Variants in ANKRD44 observed in about 807,000 individuals in gnomAD.
ANKRD44 encodes the protein ankyrin repeat domain 44, also known as serine/threonine-protein phosphatase 6 regulatory ankyrin repeat subunit B.
Under a neutral mutation model 116.0 loss-of-function variants are expected in ANKRD44, and 35 were observed. That is an observed-to-expected ratio of 0.30 (90% CI 0.23 to 0.40). ANKRD44 has a LOEUF of 0.40. ANKRD44 is among the 10% of genes least tolerant of loss of function. The pLI is 1.00. For synonymous variants in ANKRD44, 435 were observed against 461.8 expected (o/e 0.94, Z 0.74); for missense variants, 1,014 against 1,242.6 (o/e 0.82, Z 2.77).
intron 16 of ANKRD44, among the ~76,000 whole-genome samples, chr2:197,043,939 AAAGT>A (rs1172267511): frequency 6.6e-6 from 1 of 152,250 alleles, no homozygotes; most frequent in African/African-American, 2.4e-5. Flanking sequence ...GCCAAAAATT[AAAGT>A]AATTATACTA....
At chr2:197,007,324 C>G (rs1027444216) in intron 20 of ANKRD44, among the ~76,000 whole-genome samples, 1 of 151,908 alleles carries the variant, frequency 6.6e-6, no homozygotes, top group East Asian at 1.9e-4. Flanking sequence ...GAGAAAAAAG[C>G]AGAATCCAAA....
At chr2:196,970,499 C>G (rs909928416) in intron 21 of ANKRD44, among the ~76,000 whole-genome samples, 11 of 152,022 alleles carry the variant, frequency 7.2e-5, no homozygotes, top group Non-Finnish European at 1.6e-4. Context: ...TGGAGCATCT[C>G]CAAGTTTTCT....
intron 1 of ANKRD44, among the ~76,000 whole-genome samples, chr2:197,310,160 G>A (rs1382950450): frequency 6.6e-6 from 1 of 152,160 alleles, no homozygotes; most frequent in Non-Finnish European, 1.5e-5. Context: ...GTTTGGGGAG[G>A]GGTCCCAGTC....
At position 197,292,483 on chromosome 2, in the gene ANKRD44, G is replaced by A. The variant is rs2083600880; in HGVS notation, c.27+18095C>T. 2.0e-5 allele frequency among the ~76,000 whole-genome samples: 3 copies of A among 152,128 alleles called. No homozygotes were observed. In the South Asian group the frequency reaches 6.2e-4, roughly 32 times the overall value. On this transcript the variant is annotated intron_variant, in intron 1 of 27. Transcript: ENST00000282272. ...GGTGGGACACTCAAATCACAATAGT[G>A]TTTAAATTCCATTCAACACATTTTA...
At chr2:197,242,264 T>C (rs887481424) in intron 1 of ANKRD44, among the ~76,000 whole-genome samples, 1 of 152,212 alleles carries the variant, frequency 6.6e-6, no homozygotes, top group Non-Finnish European at 1.5e-5. Flanking sequence ...AACAGATCTA[T>C]GTAGCAAATA....
intron 1 of ANKRD44, among the ~76,000 whole-genome samples, chr2:197,226,437 G>T (rs569550396): frequency 1.3e-5 from 2 of 152,136 alleles, no homozygotes; most frequent in African/African-American, 2.4e-5. Flanking sequence ...AGACTGAGGC[G>T]GGTGGATCAT....
chr2:197,236,942 A>C (rs2081991584), intron 1 of ANKRD44, among the ~76,000 whole-genome samples: 1 of 152,210 alleles, frequency 6.6e-6, no homozygotes, highest in Admixed American at 6.5e-5. Context: ...AATGGGGAGA[A>C]GCAAGACACT....
chr2:197,246,739 C>T (rs1355989636), intron 1 of ANKRD44, among the ~76,000 whole-genome samples: 2 of 152,104 alleles, frequency 1.3e-5, no homozygotes, highest in Admixed American at 6.5e-5. Context: ...CTCGGAGTGA[C>T]GTTCATGCAT....
At position 197,008,919 on chromosome 2, in the gene ANKRD44, C is replaced by T. The variant is rs780080510; in HGVS notation, c.2012+25G>A. ...AGCTGCTGTGATTGAAATGTCAACC[C>T]AAGGCCACGTGTGAGCGCACTTACT... On this transcript the variant is annotated intron_variant, in intron 19 of 27. Coordinates refer to ENST00000282272, the MANE Select transcript of ANKRD44 (RefSeq NM_001195144.2). The T allele has an allele frequency of 1.7e-5, 27 of 1,610,898 alleles. No homozygotes were observed. In the South Asian group the frequency reaches 2.7e-4, roughly 16 times the overall value.
intron 2 of ANKRD44, among the ~76,000 whole-genome samples, chr2:197,186,612 C>CTTTTTTTTTTTTTTTTTTTTTTTT (rs149107038): frequency 3.9e-5 from 2 of 50,782 alleles, no homozygotes; most frequent in Admixed American, 3.7e-4. Flanking sequence ...GCTAATTTTT[C>CTTTTTTTTTTTTTTTTTTTTTTTT]TTTTTTTTTT....
chr2:196,989,949 T>C (rs2075889542), intron 27 of ANKRD44: 2 of 1,064,066 alleles, frequency 1.9e-6, no homozygotes, highest in East Asian at 7.4e-5. Context: ...TTTGGTGCAA[T>C]ATAATTTTCA....
At chr2:197,071,126 C>T (rs887841051) in intron 16 of ANKRD44, among the ~76,000 whole-genome samples, 1 of 152,096 alleles carries the variant, frequency 6.6e-6, no homozygotes, top group African/African-American at 2.4e-5. Flanking sequence ...CTTAGCTACA[C>T]GTTTGTCAAT....
At chr2:197,172,777 G>A (rs542690132) in intron 2 of ANKRD44, among the ~76,000 whole-genome samples, 1 of 152,060 alleles carries the variant, frequency 6.6e-6, no homozygotes, top group South Asian at 2.1e-4. Flanking sequence ...TGTTGCTTAG[G>A]CTGGTTTCAC....
chr2:197,248,819 G>T (rs2082254359), intron 1 of ANKRD44, among the ~76,000 whole-genome samples: 1 of 152,120 alleles, frequency 6.6e-6, no homozygotes, highest in South Asian at 2.1e-4. Flanking sequence ...AGATACTGAA[G>T]TATGTGTAGT....
At chr2:197,163,587 G>A (rs951355107) in intron 2 of ANKRD44, among the ~76,000 whole-genome samples, 1 of 152,240 alleles carries the variant, frequency 6.6e-6, no homozygotes, top group Non-Finnish European at 1.5e-5. Context: ...TGTTGGAACA[G>A]TCATGGAAAG....
chr2:197,262,255 C>T (rs12468436), intron 1 of ANKRD44, among the ~76,000 whole-genome samples: 6,103 of 152,230 alleles, frequency 0.04, 207 homozygotes, highest in Admixed American at 0.11. Context: ...CAAGAGACAG[C>T]TTTTTATTTT....
intron 2 of ANKRD44, among the ~76,000 whole-genome samples, chr2:197,155,680 A>G (rs2125469982): frequency 1.3e-5 from 2 of 152,368 alleles, no homozygotes; most frequent in Middle Eastern, 6.8e-3. Flanking sequence ...AAAATGGATC[A>G]CAGAACTAAA....
chr2:197,117,536 C>A (rs913283979), intron 8 of ANKRD44, among the ~76,000 whole-genome samples: 1 of 152,106 alleles, frequency 6.6e-6, no homozygotes, highest in Non-Finnish European at 1.5e-5. Flanking sequence ...CCGCGCCTGG[C>A]CAATTTTTGT....
At chr2:197,118,655 G>GAAAA (rs1473304903) in intron 8 of ANKRD44, among the ~76,000 whole-genome samples, 14 of 150,756 alleles carry the variant, frequency 9.3e-5, no homozygotes, top group Non-Finnish European at 1.5e-4. Flanking sequence ...AAGAAAGAAA[G>GAAAA]AAAGAAAGAA....
Sources: gnomAD v4.1 joint callset for allele counts (sites outside exome capture counted in the v4.1 genomes callset) on GRCh38, gnomAD v4.1.1 for gene constraint, MANE v1.5 for transcripts, NCBI Gene and HGNC (gene_info 2026-07-23, HGNC 2026-07-21) for gene names.